DGKB: variants seen among roughly 807,000 people sequenced by gnomAD.
DGKB encodes the protein diacylglycerol kinase beta.
In DGKB, 67 loss-of-function variants were observed where a neutral mutation model predicts 114.3. That is an observed-to-expected ratio of 0.59 (90% confidence interval 0.48 to 0.72). The LOEUF (loss-of-function observed/expected upper bound fraction) is 0.72, where lower values mean the gene tolerates loss of function less well. Ranked by LOEUF, DGKB falls within the 30% of genes least tolerant of loss-of-function variation. DGKB has a pLI of 0.00. For missense variants in DGKB, 907 were observed against 975.2 expected (o/e 0.93, Z 0.93); for synonymous variants, 398 against 323.1 (o/e 1.23, Z -2.49).
At chr7:14,664,878 G>A (rs1456497549) in intron 13 of DGKB, among the ~76,000 whole-genome samples, 1 of 151,220 alleles carries the variant, frequency 6.6e-6, no homozygotes, top group Non-Finnish European at 1.5e-5. Flanking sequence ...AAAAATTAAG[G>A]GGAAGAAAAA....
chr7:14,258,886 C>A (rs1796321170), intron 23 of DGKB, among the ~76,000 whole-genome samples: 3 of 152,134 alleles, frequency 2.0e-5, no homozygotes, highest in Admixed American at 2.0e-4. Flanking sequence ...CTAGGAAAAT[C>A]TGCAGCTTTT....
chr7:14,548,624 G>C (rs953672992), intron 20 of DGKB, among the ~76,000 whole-genome samples: 5 of 152,136 alleles, frequency 3.3e-5, no homozygotes, highest in East Asian at 1.9e-4. Context: ...GCAGTTTCTG[G>C]AGATGAGATT....
chr7:14,458,766 G>A (rs1243304477), intron 21 of DGKB, among the ~76,000 whole-genome samples: 1 of 152,098 alleles, frequency 6.6e-6, no homozygotes, highest in Admixed American at 6.6e-5. Context: ...GTACAAAATT[G>A]GGCTGCCATT....
At chr7:14,485,623 G>A (rs1174998339) in intron 20 of DGKB, among the ~76,000 whole-genome samples, 1 of 152,102 alleles carries the variant, frequency 6.6e-6, no homozygotes, top group Admixed American at 6.6e-5. Flanking sequence ...ACCTGGCCGG[G>A]TGCGGTGGCT....
At chr7:14,906,755 G>T (rs1252537058), upstream of DGKB, among the ~76,000 whole-genome samples, 4 of 152,042 alleles carry the variant, frequency 2.6e-5, no homozygotes, top group African/African-American at 9.7e-5. Context: ...CCGGCCTCCA[G>T]AAATCCATCT....
intron 1 of DGKB, among the ~76,000 whole-genome samples, chr7:14,866,533 G>A (rs764230008): frequency 6.6e-6 from 1 of 152,036 alleles, no homozygotes; most frequent in Non-Finnish European, 1.5e-5. Flanking sequence ...TTGCATTTAA[G>A]TTTCCTCTAT....
At chr7:14,851,621 G>C (rs1457229623) in intron 1 of DGKB, among the ~76,000 whole-genome samples, 4 of 152,144 alleles carry the variant, frequency 2.6e-5, no homozygotes, top group Non-Finnish European at 5.9e-5. Flanking sequence ...TTCTCCCCTT[G>C]CACTTAATAC....
intron 23 of DGKB, among the ~76,000 whole-genome samples, chr7:14,184,529 G>A (rs2128255538): frequency 6.6e-6 from 1 of 152,152 alleles, no homozygotes; most frequent in African/African-American, 2.4e-5. Context: ...CTGACAACCT[G>A]CATGACTCAG....
intron 1 of DGKB, among the ~76,000 whole-genome samples, chr7:14,949,231 A>G (rs1040089943): frequency 6.6e-6 from 1 of 151,960 alleles, no homozygotes; most frequent in African/African-American, 2.4e-5. Context: ...TACATAAGCA[A>G]TAAGATGCTA....
At position 14,701,739 on chromosome 7, in the gene DGKB, A is replaced by G. The variant is rs1417703673; in HGVS notation, c.467-9T>C. 1.2e-6 allele frequency: 2 copies of G among 1,600,064 alleles called. No individual in the cohort carries two copies. The highest frequency in any genetic ancestry group is 1.7e-6 in the Non-Finnish European group (2 of 1,167,408). On this transcript the variant is annotated splice_polypyrimidine_tract_variant and intron_variant, in intron 6 of 25. Coordinates refer to ENST00000402815, the MANE Select transcript of DGKB (RefSeq NM_001350709.2). ...ATAAAGGCGAAACATAACTAGAATG[A>G]AAGAGGTGTTGAAAACAAGATTATA...
At chr7:14,879,984 T>C (rs915091965) in intron 1 of DGKB, among the ~76,000 whole-genome samples, 1 of 152,184 alleles carries the variant, frequency 6.6e-6, no homozygotes, top group Non-Finnish European at 1.5e-5. Flanking sequence ...GATGACAATT[T>C]GGTTTCTATT....
At chr7:14,634,765 T>C (rs1465057918) in intron 13 of DGKB, among the ~76,000 whole-genome samples, 1 of 151,688 alleles carries the variant, frequency 6.6e-6, no homozygotes, top group Non-Finnish European at 1.5e-5. Context: ...CTCTAGGATA[T>C]AAAAATTACA....
intron 2 of DGKB, among the ~76,000 whole-genome samples, chr7:14,796,588 G>A (rs1334187167): frequency 1.3e-5 from 2 of 152,030 alleles, no homozygotes; most frequent in East Asian, 1.9e-4. Flanking sequence ...AGAGGTGGAA[G>A]TGGTCCAGTC....
At chr7:14,876,185 A>G (rs1022427904) in intron 1 of DGKB, among the ~76,000 whole-genome samples, 1 of 152,130 alleles carries the variant, frequency 6.6e-6, no homozygotes, top group African/African-American at 2.4e-5. Context: ...AACACCAGGG[A>G]GTTACTGCCT....
At chr7:14,217,997 T>A (rs377413838) in intron 23 of DGKB, among the ~76,000 whole-genome samples, 9 of 152,108 alleles carry the variant, frequency 5.9e-5, no homozygotes, top group African/African-American at 2.2e-4. Flanking sequence ...TCCTAGTAGG[T>A]TCATTACTAA....
chr7:14,398,995 G>A (rs113639043), intron 21 of DGKB, among the ~76,000 whole-genome samples: 4 of 151,994 alleles, frequency 2.6e-5, no homozygotes, highest in South Asian at 2.1e-4. Flanking sequence ...TTTACAACCC[G>A]CAGACGTGAA....
At chr7:14,251,873 C>T (rs942425870) in intron 23 of DGKB, among the ~76,000 whole-genome samples, 1 of 152,130 alleles carries the variant, frequency 6.6e-6, no homozygotes, top group African/African-American at 2.4e-5. Context: ...CACTGAATGT[C>T]TTACAGAGAT....
chr7:14,828,214 G>C (rs1016207101), intron 2 of DGKB, among the ~76,000 whole-genome samples: 1 of 152,094 alleles, frequency 6.6e-6, no homozygotes, highest in East Asian at 1.9e-4. Flanking sequence ...TTGAGACTCA[G>C]TTAAGAGCTG....
chr7:14,886,803 C>T lies in DGKB; in HGVS notation c.-188+15789G>A, dbSNP rs529784262. Among the ~76,000 whole-genome samples the T allele has an allele frequency of 2.7e-3, 409 of 151,900 alleles. 2 individuals carry two copies. The highest frequency in any genetic ancestry group is 9.5e-3 in the African/African-American group (393 of 41,496). On this transcript the variant is annotated intron_variant, in intron 1 of 25. Transcript: ENST00000402815. Reference sequence around the variant, plus strand: ...ATAAATTATGCTGTCCACATATCCTCACCTCCCTTAAATCCTCAATTATTT... The same window carrying T: ...ATAAATTATGCTGTCCACATATCCTTACCTCCCTTAAATCCTCAATTATTT...
Sources: gnomAD v4.1 joint callset for allele counts (sites outside exome capture counted in the v4.1 genomes callset) on GRCh38, gnomAD v4.1.1 for gene constraint, MANE v1.5 for transcripts, NCBI Gene and HGNC (gene_info 2026-07-23, HGNC 2026-07-21) for gene names.